The following EPHA3 variants were observed in gnomAD, a reference collection of about 807,000 sequenced individuals.
The protein encoded by EPHA3 is ephrin type-A receptor 3.
EPHA3 carries 42 observed loss-of-function variants against 107.1 expected under a neutral mutation model. The ratio of observed to expected loss-of-function variants is 0.39; its 90% CI spans 0.31 to 0.51. The LOEUF is 0.51. Among genes scored for constraint, EPHA3 ranks in the 20% least tolerant of loss-of-function variants. EPHA3 has a pLI of 0.78. For missense variants in EPHA3, 1,183 were observed against 1,211.2 expected (o/e 0.98, Z 0.35); for synonymous variants, 461 against 424.8 (o/e 1.09, Z -1.05).
intron 2 of EPHA3, among the ~76,000 whole-genome samples, chr3:89,191,608 A>G (rs1390488614): frequency 6.6e-6 from 1 of 152,240 alleles, no homozygotes; most frequent in Non-Finnish European, 1.5e-5. Flanking sequence ...CAAAGAATAT[A>G]TCTTGTAACA....
At chr3:89,200,149 C>T (rs1349142069) in intron 2 of EPHA3, among the ~76,000 whole-genome samples, 1 of 152,016 alleles carries the variant, frequency 6.6e-6, no homozygotes, top group Non-Finnish European at 1.5e-5. Context: ...GCCTGATACA[C>T]AATATTCAAT....
intron 5 of EPHA3, among the ~76,000 whole-genome samples, chr3:89,357,432 A>C (rs1215486195): frequency 6.6e-6 from 1 of 151,116 alleles, no homozygotes; most frequent in African/African-American, 2.4e-5. Flanking sequence ...TTAATTGTGC[A>C]TACCATAGAT....
At position 89,116,719 on chromosome 3, in the gene EPHA3, TAAAAA is replaced by T. The variant is rs140739470; in HGVS notation, c.88+8901_88+8905del. On this transcript the variant is annotated intron_variant, in intron 1 of 16. Transcript: ENST00000336596. ...TATCTTGCTGTCTTCACTGTAACAT[TAAAAA>T]AAAAAAAAAAAAAAAAACTAATGTG... 2.2e-3 allele frequency among the ~76,000 whole-genome samples: 293 copies of T among 132,542 alleles called. 1 individual carries two copies. The highest frequency in any genetic ancestry group is 4.0e-3 in the Middle Eastern group (1 of 248). The allele number at this position is 132,542 out of a possible 152,430, so 87.0% of individuals were successfully genotyped here.
intron 5 of EPHA3, among the ~76,000 whole-genome samples, chr3:89,350,042 C>G (rs1208394168): frequency 6.6e-6 from 1 of 150,424 alleles, no homozygotes; most frequent in African/African-American, 2.4e-5. Context: ...CTCTGGCTGC[C>G]CTTAACATTT....
At chr3:89,445,247 A>C (rs1327583264) in intron 13 of EPHA3, among the ~76,000 whole-genome samples, 1 of 152,142 alleles carries the variant, frequency 6.6e-6, no homozygotes, top group African/African-American at 2.4e-5. Flanking sequence ...TTCCAGACCT[A>C]ACTGTCTATG....
At chr3:89,255,494 C>T (rs1008276136) in intron 3 of EPHA3, among the ~76,000 whole-genome samples, 7 of 152,212 alleles carry the variant, frequency 4.6e-5, no homozygotes, top group Non-Finnish European at 8.8e-5. Context: ...TCCATGGCTG[C>T]TTTCACATGA....
chr3:89,448,097 C>G (rs2107552028), intron 13 of EPHA3, among the ~76,000 whole-genome samples: 1 of 152,254 alleles, frequency 6.6e-6, no homozygotes, highest in Non-Finnish European at 1.5e-5. Context: ...CCTCCTCAGT[C>G]TCTCTAGTGA....
intron 2 of EPHA3, among the ~76,000 whole-genome samples, chr3:89,165,009 T>G (rs966590469): frequency 1.3e-5 from 2 of 152,224 alleles, no homozygotes; most frequent in Non-Finnish European, 2.9e-5. Context: ...AGAAACTGTT[T>G]CTTATTTGGC....
At chr3:89,404,680 T>C (rs1389697974) in intron 7 of EPHA3, among the ~76,000 whole-genome samples, 1 of 152,218 alleles carries the variant, frequency 6.6e-6, no homozygotes, top group Non-Finnish European at 1.5e-5. Flanking sequence ...GTGCTTTAGA[T>C]AGCCTCTGTG....
intron 7 of EPHA3, among the ~76,000 whole-genome samples, chr3:89,400,917 C>G (rs918873865): frequency 2.6e-5 from 4 of 152,092 alleles, no homozygotes; most frequent in Non-Finnish European, 4.4e-5. Context: ...AAATAGATTA[C>G]CCAGGAAAGG....
chr3:89,423,370 GA>G (rs745382154), intron 11 of EPHA3, among the ~76,000 whole-genome samples: 17 of 151,186 alleles, frequency 1.1e-4, no homozygotes, highest in Non-Finnish European at 1.3e-4. Context: ...CACATTTCTG[GA>G]ATAAGAGGTC....
chr3:89,195,657 C>T (rs1187975360), intron 2 of EPHA3, among the ~76,000 whole-genome samples: 1 of 152,100 alleles, frequency 6.6e-6, no homozygotes, highest in East Asian at 1.9e-4. Context: ...CATTTATTTG[C>T]TTATTCAATG....
At chr3:89,361,320 G>A (rs529936693) in intron 5 of EPHA3, among the ~76,000 whole-genome samples, 3 of 150,978 alleles carry the variant, frequency 2.0e-5, no homozygotes, top group African/African-American at 7.2e-5. Flanking sequence ...TAGCTTGAAA[G>A]TTGATATGAG....
At chr3:89,400,110 A>T in intron 7 of EPHA3, 1 of 982,920 alleles carries the variant, frequency 1.0e-6, no homozygotes, top group East Asian at 6.6e-5. Flanking sequence ...ATAATTTTCA[A>T]AAAGGTAAAA....
In EPHA3 at chr3:89,479,367, C is replaced by T. The variant is rs113453102; in HGVS notation, c.2847-30C>T. The T allele has an allele frequency of 1.1e-5, 17 of 1,578,810 alleles. No individual in the cohort carries two copies. The East Asian group carries it at 2.2e-4, about 21-fold the overall frequency. On this transcript the variant is annotated intron_variant, in intron 16 of 16. Coordinates refer to ENST00000336596, the MANE Select transcript of EPHA3 (RefSeq NM_005233.6). ...CCTGCTTATACACTATCGAGGAAAC[C>T]GATTCTTATATTGTTTTCTTTTTTT...
chr3:89,336,323 AAC>A (rs371349061), intron 3 of EPHA3, among the ~76,000 whole-genome samples: 2 of 151,980 alleles, frequency 1.3e-5, no homozygotes, highest in South Asian at 2.1e-4. Flanking sequence ...AAGCAAAGAT[AAC>A]ACACACACAC....
At chr3:89,128,232 C>T (rs575748509) in intron 2 of EPHA3, among the ~76,000 whole-genome samples, 2 of 152,252 alleles carry the variant, frequency 1.3e-5, no homozygotes, top group South Asian at 2.1e-4. Context: ...TCTTCACCAG[C>T]GGATGTTTTC....
intron 10 of EPHA3, among the ~76,000 whole-genome samples, chr3:89,414,323 T>G (rs1429613089): frequency 6.6e-6 from 1 of 151,746 alleles, no homozygotes; most frequent in Non-Finnish European, 1.5e-5. Flanking sequence ...TCCTAAAATT[T>G]ACATGTGCAG....
At chr3:89,159,064 A>G (rs1414599001) in intron 2 of EPHA3, among the ~76,000 whole-genome samples, 1 of 152,166 alleles carries the variant, frequency 6.6e-6, no homozygotes, top group Admixed American at 6.6e-5. Context: ...TAATTCATTA[A>G]TATATTAGTT....
Sources: allele counts gnomAD v4.1 joint callset (sites outside exome capture counted in the v4.1 genomes callset), GRCh38; gene constraint gnomAD v4.1.1; transcripts MANE v1.5; gene names NCBI Gene and HGNC (gene_info 2026-07-23, HGNC 2026-07-21).